The following CLDN16 variants were observed in gnomAD, a reference collection of about 807,000 sequenced individuals.
The protein encoded by CLDN16 is claudin 16.
In CLDN16, 13 loss-of-function variants were observed where a neutral mutation model predicts 24.6. The ratio of observed to expected loss-of-function variants is 0.53; its 90% confidence interval spans 0.34 to 0.84. The LOEUF is 0.84. Among genes scored for constraint, CLDN16 ranks in the 40% least tolerant of loss-of-function variants. The probability of loss-of-function intolerance (pLI) is 0.01; values close to 1 mark genes in which losing one functional copy is unlikely to be tolerated. For synonymous variants in CLDN16, 116 were observed against 106.7 expected (o/e 1.09, Z -0.54); for missense variants, 298 against 292.7 (o/e 1.02, Z -0.13).
chr3:190,297,216 G>T, the CLDN16 span, among the ~76,000 whole-genome samples: 33 of 151,726 alleles, frequency 2.2e-4, no homozygotes, highest in Non-Finnish European at 4.6e-4. Context: ...GCTGCATTTA[G>T]ACTCATTTTT....
chr3:190,349,730 T>C (rs1002386256), intron 1 of CLDN16, among the ~76,000 whole-genome samples: 1 of 152,196 alleles, frequency 6.6e-6, no homozygotes, highest in African/African-American at 2.4e-5. Flanking sequence ...CTTTGCATGT[T>C]CCTTTTATAC....
chr3:190,301,992 T>C, the CLDN16 span, among the ~76,000 whole-genome samples: 87,847 of 152,080 alleles, frequency 0.58, 26,050 homozygotes, highest in African/African-American at 0.71. Flanking sequence ...ATATCCTATA[T>C]ATTTTAAATC....
chr3:190,393,769 A>G (rs865966623), intron 1 of CLDN16, among the ~76,000 whole-genome samples: 5 of 58,332 alleles, frequency 8.6e-5, no homozygotes, highest in South Asian at 9.9e-4. Context: ...TTTTTTTTTT[A>G]AATCAGAATC....
chr3:190,317,509 A>G, the CLDN16 span, among the ~76,000 whole-genome samples: 1 of 152,242 alleles, frequency 6.6e-6, no homozygotes, highest in Non-Finnish European at 1.5e-5. Context: ...AATGTGTAGA[A>G]AGACAGACAT....
upstream of CLDN16, chr3:190,322,440 C>G: frequency 1.7e-6 from 1 of 579,268 alleles, no homozygotes; most frequent in Non-Finnish European, 3.1e-6. Context: ...GGCTCGGGAA[C>G]TGAGACGCAG....
chr3:190,376,411 C>A (rs938470556), intron 3 of CLDN16, among the ~76,000 whole-genome samples: 1 of 151,696 alleles, frequency 6.6e-6, no homozygotes, highest in Non-Finnish European at 1.5e-5. Flanking sequence ...AGTCTCCGAC[C>A]TTCAGGAGCT....
chr3:190,390,584 T>G (rs1469816956), intron 1 of CLDN16, among the ~76,000 whole-genome samples: 1 of 152,156 alleles, frequency 6.6e-6, no homozygotes, highest in African/African-American at 2.4e-5. Flanking sequence ...CTCCCTTCTC[T>G]TTCAACAATC....
intron 1 of CLDN16, among the ~76,000 whole-genome samples, chr3:190,392,559 CA>C (rs1322437664): frequency 6.6e-6 from 1 of 152,100 alleles, no homozygotes; most frequent in Non-Finnish European, 1.5e-5. Context: ...GTTATAGCAC[CA>C]TGTAGCACAC....
chr3:190,403,098 C>T (rs1447636202), intron 2 of CLDN16, among the ~76,000 whole-genome samples: 1 of 152,092 alleles, frequency 6.6e-6, no homozygotes, highest in Non-Finnish European at 1.5e-5. Flanking sequence ...GAGGCCAAGG[C>T]GGGTGGATCA....
chr3:190,343,360 T>C (rs1717480261), intron 1 of CLDN16, among the ~76,000 whole-genome samples: 1 of 152,068 alleles, frequency 6.6e-6, no homozygotes, highest in African/African-American at 2.4e-5. Flanking sequence ...CTTTTGGGAA[T>C]GTAGATTGGT....
chr3:190,409,253 C>CATGTATATATGCATACATGTATATGT (rs1719202866), intron 4 of CLDN16, among the ~76,000 whole-genome samples: 1 of 107,012 alleles, frequency 9.3e-6, no homozygotes, highest in African/African-American at 4.3e-5. Flanking sequence ...CACGTATATG[C>CATGTATATATGCATACATGTATATGT]ATGTATATAT....
chr3:190,397,895 T>C (rs1718860141), intron 1 of CLDN16, among the ~76,000 whole-genome samples: 1 of 152,232 alleles, frequency 6.6e-6, no homozygotes, highest in African/African-American at 2.4e-5. Context: ...AAGATGGAAA[T>C]ACTCTTATTT....
At chr3:190,321,092 A>T (rs1015454490), upstream of CLDN16, among the ~76,000 whole-genome samples, 2 of 152,228 alleles carry the variant, frequency 1.3e-5, no homozygotes, top group Non-Finnish European at 2.9e-5. Context: ...TTCTTTGTGG[A>T]AGATGGAAAC....
chr3:190,387,385 G>GT (rs1247005085), upstream of CLDN16, among the ~76,000 whole-genome samples: 1 of 151,476 alleles, frequency 6.6e-6, no homozygotes, highest in Non-Finnish European at 1.5e-5. Context: ...CATTAGACGC[G>GT]TTTTCAAACA....
the CLDN16 span, chr3:190,306,469 C>G: frequency 1.3e-5 from 2 of 152,290 alleles, no homozygotes; most frequent in East Asian, 3.9e-4. Context: ...CTTAGTATAG[C>G]ACTTTTTAAA....
intron 3 of CLDN16, among the ~76,000 whole-genome samples, chr3:190,382,121 T>A (rs1391903866): frequency 6.6e-6 from 1 of 151,958 alleles, no homozygotes; most frequent in Non-Finnish European, 1.5e-5. Context: ...TGTGGAAGGG[T>A]GTAGGGCATT....
the CLDN16 span, among the ~76,000 whole-genome samples, chr3:190,294,514 T>C: frequency 4.6e-5 from 7 of 152,140 alleles, no homozygotes; most frequent in African/African-American, 1.7e-4. Context: ...CTTACTTTTT[T>C]TAAATAAGGA....
chr3:190,345,873 A>G (rs750909863), intron 1 of CLDN16, among the ~76,000 whole-genome samples: 1 of 152,110 alleles, frequency 6.6e-6, no homozygotes, highest in Non-Finnish European at 1.5e-5. Flanking sequence ...TACTGTATTG[A>G]TTACATTGTA....
chr3:190,360,465 C>A (rs963101438), intron 1 of CLDN16, among the ~76,000 whole-genome samples: 1 of 151,718 alleles, frequency 6.6e-6, no homozygotes, highest in Non-Finnish European at 1.5e-5. Context: ...TCTCAATCAT[C>A]AAAATAAGAG....
Sources: allele counts gnomAD v4.1 joint callset (sites outside exome capture counted in the v4.1 genomes callset), GRCh38; gene constraint gnomAD v4.1.1; transcripts MANE v1.5; gene names NCBI Gene and HGNC (gene_info 2026-07-23, HGNC 2026-07-21).